ZFYVE28: variants seen among roughly 807,000 people sequenced by gnomAD.
The protein encoded by ZFYVE28 is lateral signaling target protein 2 homolog.
In ZFYVE28, 40 loss-of-function variants were observed where a neutral mutation model predicts 82.1. The observed-to-expected ratio is 0.49, with a 90% confidence interval of 0.38 to 0.63. The LOEUF is 0.63. Among genes scored for constraint, ZFYVE28 ranks in the 30% least tolerant of loss-of-function variants. ZFYVE28 has a pLI of 0.00. For synonymous variants in ZFYVE28, 612 were observed against 546.1 expected (o/e 1.12, Z -1.68); for missense variants, 1,321 against 1,242.1 (o/e 1.06, Z -0.96).
intron 8 of ZFYVE28, among the ~76,000 whole-genome samples, chr4:2,289,363 G>A (rs1050317247): frequency 1.3e-5 from 2 of 152,246 alleles, no homozygotes; most frequent in Non-Finnish European, 2.9e-5. Context: ...CCCCTCAGCA[G>A]GGGTGGAGTA....
chr4:2,290,681 C>T (rs1344602124), intron 8 of ZFYVE28, among the ~76,000 whole-genome samples: 1 of 152,206 alleles, frequency 6.6e-6, no homozygotes, highest in African/African-American at 2.4e-5. Flanking sequence ...ACGGCCTCAC[C>T]CCTCTCCTGC....
chr4:2,272,635 C>G (rs1279153924), intron 10 of ZFYVE28, among the ~76,000 whole-genome samples: 2 of 152,202 alleles, frequency 1.3e-5, no homozygotes, highest in African/African-American at 4.8e-5. Flanking sequence ...CTGTGTCAAG[C>G]ATGTGTGATA....
chr4:2,337,312 G>T (rs1356584251), intron 5 of ZFYVE28, 95 bp downstream of exon 5: 3 of 1,097,496 alleles, frequency 2.7e-6, no homozygotes, highest in Non-Finnish European at 2.6e-6. Flanking sequence ...CCGAGACACA[G>T]CAGGTTCCCC....
At chr4:2,337,567 G>C in intron 4 of ZFYVE28, 71 bp from the exon 5 acceptor site, 5 of 1,268,082 alleles carry the variant, frequency 3.9e-6, no homozygotes, top group Non-Finnish European at 4.4e-6. Context: ...AGAGTGGGGG[G>C]CATCTTCAAT....
At chr4:2,373,731 C>T (rs1404763952) in intron 1 of ZFYVE28, among the ~76,000 whole-genome samples, 1 of 152,170 alleles carries the variant, frequency 6.6e-6, no homozygotes, top group Admixed American at 6.5e-5. Flanking sequence ...CGGAGCCCCT[C>T]AAATGCACTG....
chr4:2,333,410 C>T (rs1721044498), intron 6 of ZFYVE28, among the ~76,000 whole-genome samples: 1 of 151,480 alleles, frequency 6.6e-6, no homozygotes, highest in Admixed American at 6.6e-5. Context: ...CTGAGGTCGG[C>T]AAGCAGGACA....
chr4:2,313,943 G>T (rs1308736653), intron 7 of ZFYVE28, among the ~76,000 whole-genome samples: 1 of 151,942 alleles, frequency 6.6e-6, no homozygotes, highest in Non-Finnish European at 1.5e-5. Context: ...TTGTTATTGA[G>T]ATTTCTTACA....
At chr4:2,327,268 ATATATATATAT>A (rs1303335459) in intron 6 of ZFYVE28, among the ~76,000 whole-genome samples, 7 of 22,372 alleles carry the variant, frequency 3.1e-4, no homozygotes, top group African/African-American at 1.3e-3. Context: ...ATATATATAT[ATATATATATAT>A]ATATATATAT....
chr4:2,303,434 T>C (rs1039912984), intron 8 of ZFYVE28, among the ~76,000 whole-genome samples: 1 of 152,182 alleles, frequency 6.6e-6, no homozygotes, highest in African/African-American at 2.4e-5. Flanking sequence ...TGGGGGCTTT[T>C]CTGGTCTCCA....
chr4:2,334,345 C>T (rs1355369424), intron 6 of ZFYVE28, among the ~76,000 whole-genome samples: 3 of 151,996 alleles, frequency 2.0e-5, no homozygotes, highest in Non-Finnish European at 2.9e-5. Context: ...CGGCAGCAGC[C>T]CCCATTGCTC....
chr4:2,270,772 A>G lies in ZFYVE28; in HGVS notation c.2617T>C (p.Tyr873His), dbSNP rs1420899769. The change falls in exon 13 of 13, where the codon TAC (tyrosine) becomes CAC (histidine). Residue 873 changes from tyrosine (Y) to histidine (H), a missense_variant. By Grantham distance (83) the Tyr-to-His change is moderately conservative (BLOSUM62 2). Around this residue, in one of 2 missense-constraint regions of ZFYVE28, gnomAD observed 978 missense variants for 833.7 expected, o/e 1.17. Transcript: ENST00000290974. ...VKPVRVCTHC[Y>H]MFHVTPFYSD... is the part of the protein sequence containing the mutation. ...TAGAAGGGCGTGACATGGAACATGT[A>G]GCAGTGGGTGCACACTCGGACCGGC... is the stretch of plus-strand genomic sequence containing the variant. 2 of 1,613,240 alleles carry G rather than the reference A, an allele frequency of 1.2e-6. No individual in the cohort carries two copies. Among genetic ancestry groups the G allele is most frequent in the Non-Finnish European group, 1.7e-6 (2 of 1,179,926 alleles).
intron 8 of ZFYVE28, among the ~76,000 whole-genome samples, chr4:2,303,246 G>C (rs758883434): frequency 6.6e-6 from 1 of 152,154 alleles, no homozygotes; most frequent in Non-Finnish European, 1.5e-5. Context: ...GCGAGCTCAC[G>C]ACCTGGGAGG....
Position 2,372,595 on chromosome 4 carries a change from T to C in ZFYVE28, c.40-18522A>G, listed in dbSNP as rs991364934. Among the ~76,000 whole-genome samples, 2 of 152,032 alleles carry C rather than the reference T, an allele frequency of 1.3e-5. No individual in the cohort carries two copies. Among genetic ancestry groups the C allele is most frequent in the African/African-American group, 4.8e-5 (2 of 41,402 alleles). Reference sequence around the variant, plus strand: ...CAGAGGTGCGGGCAGGCAGGGGTGCTGGGGTTCTGAACAGGGCCTGGATTC... The same window carrying C: ...CAGAGGTGCGGGCAGGCAGGGGTGCCGGGGTTCTGAACAGGGCCTGGATTC... On this transcript the variant is annotated intron_variant, in intron 1 of 12. Transcript: ENST00000290974. This position sits in a 1 kb window ranked among gnomAD's most constrained non-coding sequence, Gnocchi z 5.2.
intron 4 of ZFYVE28, among the ~76,000 whole-genome samples, chr4:2,338,004 C>T (rs1310875107): frequency 6.6e-6 from 1 of 152,256 alleles, no homozygotes; most frequent in East Asian, 1.9e-4. Context: ...GTTGTGCCAG[C>T]TCCCAGGGCT....
rs115846128 is a variant in ZFYVE28, at chr4:2,346,056, C to T, written c.181-4441G>A. Among the ~76,000 whole-genome samples the T allele has an allele frequency of 4.3e-3, 651 of 151,328 alleles. 1 individual carries two copies. The highest frequency in any genetic ancestry group is 6.9e-3 in the Non-Finnish European group (467 of 67,910). On this transcript the variant is annotated intron_variant, in intron 2 of 12. Coordinates refer to ENST00000290974, the MANE Select transcript of ZFYVE28 (RefSeq NM_020972.3). The stretch of plus-strand genomic sequence containing the variant: ...TGCTAAAGAAATTCTTGGCCAGGGG[C>T]GGTGGCTCACGCCTGTAATCCCAGC...
intron 1 of ZFYVE28, among the ~76,000 whole-genome samples, chr4:2,410,944 TA>T (rs139231651): frequency 0.029 from 4,381 of 152,312 alleles, 217 homozygotes; most frequent in African/African-American, 0.1. Context: ...GACATTTAAG[TA>T]GTTGATTCTG....
At chr4:2,389,764 A>G (rs570812254) in intron 1 of ZFYVE28, among the ~76,000 whole-genome samples, 10 of 152,306 alleles carry the variant, frequency 6.6e-5, no homozygotes, top group Admixed American at 5.9e-4. Context: ...GCCCCTAAGG[A>G]GAGGTGGCCC....
intron 8 of ZFYVE28, chr4:2,295,556 C>G (rs1714423441): frequency 6.6e-6 from 1 of 152,412 alleles, no homozygotes; most frequent in South Asian, 2.1e-4. Flanking sequence ...TCAGAAAAGT[C>G]TTTCCTGCCC....
At chr4:2,276,852 T>C (rs956155729) in intron 8 of ZFYVE28, among the ~76,000 whole-genome samples, 1 of 151,716 alleles carries the variant, frequency 6.6e-6, no homozygotes, top group African/African-American at 2.4e-5. Flanking sequence ...CAGTTTCAGT[T>C]TGGGAAGATG....
Sources: gnomAD v4.1 joint callset for allele counts (sites outside exome capture counted in the v4.1 genomes callset) on GRCh38, gnomAD v4.1.1 for gene constraint, gnomAD v4.1.1 regional missense constraint, Gnocchi (gnomAD v3.1) non-coding constraint, MANE v1.5 for transcripts, NCBI Gene and HGNC (gene_info 2026-07-23, HGNC 2026-07-21) for gene names.